Variants in OTULIN observed in about 807,000 individuals in gnomAD.
OTULIN encodes the protein OTU deubiquitinase with linear linkage specificity, also known as ubiquitin thioesterase otulin.
Under a neutral mutation model 39.6 loss-of-function variants are expected in OTULIN, and 15 were observed. The ratio of observed to expected loss-of-function variants is 0.38; its 90% confidence interval spans 0.25 to 0.58. OTULIN has a LOEUF of 0.58. Among genes scored for constraint, OTULIN ranks in the 20% least tolerant of loss-of-function variants. The pLI, the probability that OTULIN is intolerant of heterozygous loss-of-function variation, is 0.66. For synonymous variants in OTULIN, 156 were observed against 170.3 expected, an observed-to-expected ratio of 0.92 and a Z score of 0.65; for missense variants, 319 against 445.9, an observed-to-expected ratio of 0.72 and a Z score of 2.56.
the OTULIN span, among the ~76,000 whole-genome samples, chr5:14,714,399 A>G: frequency 6.6e-6 from 1 of 152,194 alleles, no homozygotes; most frequent in African/African-American, 2.4e-5. Context: ...TCTAGATTCC[A>G]TCTGAAACTG....
chr5:14,679,915 G>A (rs1736203268), intron 3 of OTULIN, among the ~76,000 whole-genome samples: 1 of 106,864 alleles, frequency 9.4e-6, no homozygotes, highest in South Asian at 4.2e-4. Context: ...ATATGCTGTT[G>A]GTCACTTGCA....
At chr5:14,691,522 G>A (rs1281900953) in intron 6 of OTULIN, among the ~76,000 whole-genome samples, 2 of 152,036 alleles carry the variant, frequency 1.3e-5, no homozygotes, top group African/African-American at 4.8e-5. Context: ...AAGGCTTATA[G>A]AGGATGGTTT....
At chr5:14,715,685 CAGTT>C in the OTULIN span, among the ~76,000 whole-genome samples, 1 of 152,356 alleles carries the variant, frequency 6.6e-6, no homozygotes, top group African/African-American at 2.4e-5. Context: ...GCTATGCAAG[CAGTT>C]AGCACATCCA....
chr5:14,684,719 TTC>T (rs1397428425), intron 4 of OTULIN, among the ~76,000 whole-genome samples: 1 of 152,234 alleles, frequency 6.6e-6, no homozygotes, highest in Non-Finnish European at 1.5e-5. Flanking sequence ...TGTTGCTGTC[TTC>T]TCTGTCTTTT....
chr5:14,666,570 A>G (rs1339793433), intron 1 of OTULIN, among the ~76,000 whole-genome samples: 2 of 152,156 alleles, frequency 1.3e-5, no homozygotes, highest in African/African-American at 2.4e-5. Context: ...GTGACAGCCA[A>G]CTTCACTTTT....
intron 1 of OTULIN, among the ~76,000 whole-genome samples, chr5:14,672,665 C>T (rs999012624): frequency 6.6e-6 from 1 of 152,138 alleles, no homozygotes; most frequent in African/African-American, 2.4e-5. Context: ...CAGTGTGTTA[C>T]TCATGCCTCC....
At chr5:14,711,073 A>G in the OTULIN span, 1 of 847,666 alleles carries the variant, frequency 1.2e-6, no homozygotes, top group East Asian at 2.4e-5. Context: ...CTTTAAATCA[A>G]GGCCTCTTTC....
chr5:14,686,894 C>T (rs1736400317), intron 4 of OTULIN, among the ~76,000 whole-genome samples: 3 of 152,216 alleles, frequency 2.0e-5, no homozygotes, highest in Admixed American at 6.5e-5. Context: ...GCACAGCTCA[C>T]TTAACCCTGC....
intron 6 of OTULIN, among the ~76,000 whole-genome samples, chr5:14,692,064 AT>A (rs1736541965): frequency 2.0e-5 from 3 of 152,040 alleles, no homozygotes; most frequent in Non-Finnish European, 4.4e-5. Context: ...TTCATGTATA[AT>A]TTTTTTTATG....
At chr5:14,672,071 A>C (rs1036324105) in intron 1 of OTULIN, among the ~76,000 whole-genome samples, 2 of 152,014 alleles carry the variant, frequency 1.3e-5, no homozygotes, top group Admixed American at 6.5e-5. Context: ...CAATCATTGC[A>C]CTCTGCATGC....
downstream of OTULIN, among the ~76,000 whole-genome samples, chr5:14,703,324 C>CAAAAA (rs59779015): frequency 2.0e-4 from 25 of 122,092 alleles, 1 homozygote; most frequent in Non-Finnish European, 2.9e-4. Flanking sequence ...TTAATAGTGT[C>CAAAAA]AAAAAAAAAA....
At chr5:14,673,245 C>T (rs114222065) in intron 1 of OTULIN, among the ~76,000 whole-genome samples, 1,847 of 152,302 alleles carry the variant, frequency 0.012, 36 homozygotes, top group African/African-American at 0.042. Flanking sequence ...GCCTGCATTC[C>T]TATATAAATA....
Position 14,693,667 on chromosome 5 carries a change from A to T in OTULIN, c.*619A>T, listed in dbSNP as rs184786399. ...GGGAAGAGCAATGGTTTGGACTTACATCTTAATTAAGGCTATTTTAAGCAG... is the reference window on the plus strand; with the variant it reads ...GGGAAGAGCAATGGTTTGGACTTACTTCTTAATTAAGGCTATTTTAAGCAG... On this transcript the variant is annotated 3_prime_UTR_variant, in exon 7 of 7. Coordinates refer to ENST00000284274, the MANE Select transcript of OTULIN (RefSeq NM_138348.6). 1 of 152,348 alleles carries T rather than the reference A, an allele frequency of 6.6e-6. No homozygotes were observed. The highest frequency in any genetic ancestry group is 1.9e-4 in the East Asian group (1 of 5,182). 9.4% of individuals were successfully genotyped at this position (152,348 alleles called of 1,614,324 possible). A position where few individuals can be genotyped will look rare whatever the true frequency, so the allele number is the denominator to read the frequency against.
chr5:14,706,654 C>G, the OTULIN span: 1 of 152,104 alleles, frequency 6.6e-6, no homozygotes, highest in South Asian at 2.1e-4. Flanking sequence ...GACATTTTGC[C>G]TTTAAAAGGG....
chr5:14,671,686 A>G (rs1735982028), intron 1 of OTULIN, among the ~76,000 whole-genome samples: 1 of 152,244 alleles, frequency 6.6e-6, no homozygotes. Context: ...AAGCAAAAGC[A>G]CATGGAAAGT....
chr5:14,673,220 A>G (rs1009131650), intron 1 of OTULIN, among the ~76,000 whole-genome samples: 4 of 152,186 alleles, frequency 2.6e-5, no homozygotes, highest in Admixed American at 6.5e-5. Flanking sequence ...ACACGTTACA[A>G]AGGTCGGCAA....
the OTULIN span, chr5:14,709,072 T>G: frequency 6.6e-6 from 1 of 152,200 alleles, no homozygotes; most frequent in African/African-American, 2.4e-5. Flanking sequence ...TTTTATGTTT[T>G]TAGTAGAGAC....
chr5:14,669,217 T>C (rs952979084), intron 1 of OTULIN, among the ~76,000 whole-genome samples: 1 of 151,844 alleles, frequency 6.6e-6, no homozygotes, highest in Admixed American at 6.6e-5. Context: ...ATACAAAAAT[T>C]AGCCGGGTGT....
At chr5:14,713,503 T>A in the OTULIN span, 1 of 1,612,588 alleles carries the variant, frequency 6.2e-7, no homozygotes, top group Admixed American at 1.7e-5. The surrounding 1 kb of genome is among the most constrained non-coding windows in gnomAD (Gnocchi z 4.4). Context: ...AGTATTGAAG[T>A]GGCAGAAGGA....
Sources: allele counts gnomAD v4.1 joint callset (sites outside exome capture counted in the v4.1 genomes callset), GRCh38; gene constraint gnomAD v4.1.1; non-coding constraint Gnocchi (gnomAD v3.1); transcripts MANE v1.5; gene names NCBI Gene and HGNC (gene_info 2026-07-23, HGNC 2026-07-21).